The following ZFYVE28 variants were observed in gnomAD, a reference collection of about 807,000 sequenced individuals.
ZFYVE28 encodes lateral signaling target protein 2 homolog.
A neutral mutation model predicts 82.1 loss-of-function variants in ZFYVE28; 40 were observed. The observed-to-expected ratio is 0.49, with a 90% CI of 0.38 to 0.63. The LOEUF (loss-of-function observed/expected upper bound fraction) is 0.63, where lower values mean the gene tolerates loss of function less well. Among genes scored for constraint, ZFYVE28 ranks in the 30% least tolerant of loss-of-function variants. The pLI, the probability that ZFYVE28 is intolerant of heterozygous loss-of-function variation, is 0.00. For synonymous variants in ZFYVE28, 612 were observed against 546.1 expected (o/e 1.12, Z -1.68); for missense variants, 1,321 against 1,242.1 (o/e 1.06, Z -0.96).
intron 7 of ZFYVE28, among the ~76,000 whole-genome samples, chr4:2,308,675 A>AGAG (rs1717007817): frequency 1.2e-4 from 11 of 93,146 alleles, no homozygotes; most frequent in African/African-American, 4.6e-4. Flanking sequence ...GAAAGAAAGA[A>AGAG]AGAGAAAGAA....
In ZFYVE28 at chr4:2,341,684, A is replaced by G; in HGVS notation, c.181-69T>C. 1 of 1,569,758 alleles carries G rather than the reference A, an allele frequency of 6.4e-7. No homozygotes were observed. Among genetic ancestry groups the G allele is most frequent in the Non-Finnish European group, 8.7e-7 (1 of 1,149,972 alleles). On this transcript the variant is annotated intron_variant, in intron 2 of 12. Coordinates refer to ENST00000290974, the MANE Select transcript of ZFYVE28 (RefSeq NM_020972.3). The surrounding 1 kb of genome is among the most constrained non-coding windows in gnomAD (Gnocchi z 4.5). ...GCTGGCGGCCGCCATGTACTGCTGG[A>G]AAACACGCACGGTGCATGTGACTGT...
In ZFYVE28 at chr4:2,397,471, CAA is replaced by C. The variant is rs35358830; in HGVS notation, c.39+20812_39+20813del. On this transcript the variant is annotated intron_variant, in intron 1 of 12. Transcript: ENST00000290974. ...CCAGCCTGGGGGCCAGACTCGGTCT[CAA>C]AAAAAAAAAAAAAAAAAAAATTTAT... is the stretch of plus-strand genomic sequence containing the variant. Among the ~76,000 whole-genome samples, 219 of 98,210 alleles carry C rather than the reference CAA, an allele frequency of 2.2e-3. 1 individual carries two copies. Among genetic ancestry groups the C allele is most frequent in the African/African-American group, 8.1e-3 (192 of 23,668 alleles). 64.4% of individuals were successfully genotyped at this position (98,210 alleles called of 152,430 possible). A position where few individuals can be genotyped will look rare whatever the true frequency, so the allele number is the denominator to read the frequency against.
chr4:2,355,202 ATATATATATATATATATATAT>A (rs1725062387), intron 1 of ZFYVE28, among the ~76,000 whole-genome samples: 1 of 464 alleles, frequency 2.2e-3, no homozygotes, highest in Non-Finnish European at 7.5e-3. Context: ...CCTTGAAAAT[ATATATATATATATATATATAT>A]ATATATATAT....
intron 1 of ZFYVE28, among the ~76,000 whole-genome samples, chr4:2,357,317 C>T (rs1725475689): frequency 6.6e-6 from 1 of 152,192 alleles, no homozygotes; most frequent in South Asian, 2.1e-4. Flanking sequence ...CCTGCCAATG[C>T]CCCTCCTCGC....
chr4:2,397,340 T>C (rs1302984611), intron 1 of ZFYVE28, among the ~76,000 whole-genome samples: 2 of 151,884 alleles, frequency 1.3e-5, no homozygotes, highest in Non-Finnish European at 2.9e-5. Context: ...TAGCCTTACG[T>C]GGCGGCACGT....
At chr4:2,303,337 C>G (rs1005799458) in intron 8 of ZFYVE28, among the ~76,000 whole-genome samples, 3 of 152,200 alleles carry the variant, frequency 2.0e-5, no homozygotes, top group Non-Finnish European at 4.4e-5. Flanking sequence ...CTGGGCCTGC[C>G]TGCCATCCTT....
intron 7 of ZFYVE28, among the ~76,000 whole-genome samples, chr4:2,318,463 C>A (rs925164402): frequency 1.3e-5 from 2 of 152,190 alleles, no homozygotes; most frequent in Non-Finnish European, 2.9e-5. Flanking sequence ...GAGGCTGAGG[C>A]AGGAGAATCT....
At chr4:2,302,222 C>G (rs1189421316) in intron 8 of ZFYVE28, among the ~76,000 whole-genome samples, 1 of 152,256 alleles carries the variant, frequency 6.6e-6, no homozygotes, top group Non-Finnish European at 1.5e-5. Flanking sequence ...TACTATAAAA[C>G]ATTCTTCAAC....
At chr4:2,303,934 G>A (rs542267347) in intron 8 of ZFYVE28, among the ~76,000 whole-genome samples, 108 of 152,222 alleles carry the variant, frequency 7.1e-4, no homozygotes, top group Non-Finnish European at 1.3e-3. Context: ...CCACTGCCCC[G>A]CACAGGCACG....
intron 3 of ZFYVE28, among the ~76,000 whole-genome samples, chr4:2,340,702 CTG>C (rs1214962115): frequency 6.6e-6 from 1 of 152,200 alleles, no homozygotes; most frequent in Non-Finnish European, 1.5e-5. Flanking sequence ...GAGGTGGAAA[CTG>C]AGGCTGGGGA....
At chr4:2,414,627 G>T (rs375720135) in intron 1 of ZFYVE28, among the ~76,000 whole-genome samples, 3 of 152,210 alleles carry the variant, frequency 2.0e-5, no homozygotes, top group East Asian at 3.8e-4. Context: ...ATAACCCACT[G>T]AGGGTCAATT....
At chr4:2,384,620 C>T (rs1208387761) in intron 1 of ZFYVE28, among the ~76,000 whole-genome samples, 2 of 152,190 alleles carry the variant, frequency 1.3e-5, no homozygotes, top group South Asian at 2.1e-4. Flanking sequence ...CACAGAGGGC[C>T]GACCCCTCAG....
intron 1 of ZFYVE28, among the ~76,000 whole-genome samples, chr4:2,402,517 G>A (rs2108675285): frequency 6.6e-6 from 1 of 152,318 alleles, no homozygotes; most frequent in East Asian, 1.9e-4. Context: ...AGCCAGGACT[G>A]CATGTGAGGA....
At chr4:2,343,482 T>G (rs956621753) in intron 2 of ZFYVE28, 4 of 152,166 alleles carry the variant, frequency 2.6e-5, no homozygotes, top group African/African-American at 9.7e-5. Flanking sequence ...GCCTTTATAA[T>G]ACAAAAAATA....
intron 1 of ZFYVE28, among the ~76,000 whole-genome samples, chr4:2,385,875 T>A (rs1286990655): frequency 6.6e-6 from 1 of 152,196 alleles, no homozygotes; most frequent in Non-Finnish European, 1.5e-5. Flanking sequence ...CTCCGGGAAG[T>A]TAAAATCACA....
In ZFYVE28 at chr4:2,350,325, G is replaced by A. The variant is rs542599634; in HGVS notation, c.180+3608C>T. Among the ~76,000 whole-genome samples, 422 of 152,122 alleles carry A rather than the reference G, an allele frequency of 2.8e-3. 4 individuals are homozygous for A. The highest frequency in any genetic ancestry group is 9.7e-3 in the African/African-American group (403 of 41,518). On this transcript the variant is annotated intron_variant, in intron 2 of 12. Coordinates refer to ENST00000290974, the MANE Select transcript of ZFYVE28 (RefSeq NM_020972.3). Reference sequence around the variant, plus strand: ...TAAAAATACAAAAAATTAGCCGGGCGAGGTGGCGGGCGCCTGTAGTCCCAG... The same window carrying A: ...TAAAAATACAAAAAATTAGCCGGGCAAGGTGGCGGGCGCCTGTAGTCCCAG...
At position 2,372,319 on chromosome 4, in the gene ZFYVE28, C is replaced by T. The variant is rs1727649961; in HGVS notation, c.40-18246G>A. On this transcript the variant is annotated intron_variant, in intron 1 of 12. Coordinates refer to ENST00000290974, the MANE Select transcript of ZFYVE28 (RefSeq NM_020972.3). This position sits in a 1 kb window ranked among gnomAD's most constrained non-coding sequence, Gnocchi z 5.2. Reference sequence around the variant, plus strand: ...CACCACCCTCACAGGAACACAGAGGCGTGTCTTCACAGCCCTACGCTGCCT... The same window carrying T: ...CACCACCCTCACAGGAACACAGAGGTGTGTCTTCACAGCCCTACGCTGCCT... Among the ~76,000 whole-genome samples, 1 of 152,052 alleles carries T rather than the reference C, an allele frequency of 6.6e-6. No individual in the cohort carries two copies. Among genetic ancestry groups the T allele is most frequent in the Admixed American group, 6.6e-5 (1 of 15,262 alleles).
At chr4:2,340,212 G>C (rs371506298) in intron 3 of ZFYVE28, among the ~76,000 whole-genome samples, 9 of 152,276 alleles carry the variant, frequency 5.9e-5, no homozygotes, top group African/African-American at 2.2e-4. Flanking sequence ...ACCTTCCCCG[G>C]AACGCAGACT....
At position 2,274,892 on chromosome 4, in the gene ZFYVE28, C is replaced by T. The variant is rs1429164183; in HGVS notation, c.2052-676G>A. On this transcript the variant is annotated intron_variant, in intron 8 of 12. Coordinates refer to ENST00000290974, the MANE Select transcript of ZFYVE28 (RefSeq NM_020972.3). ...GCTGGGAGAGGCGAGAGGAGCCTGC[C>T]CTGGAGCCTGCAGACGGAGTGAGGT... Among the ~76,000 whole-genome samples the T allele has an allele frequency of 5.2e-5, 7 of 135,394 alleles. 1 individual carries two copies. Among genetic ancestry groups the T allele is most frequent in the African/African-American group, 7.5e-5 (2 of 26,752 alleles). The allele number at this position is 135,394 out of a possible 152,430, so 88.8% of individuals were successfully genotyped here.
Sources: gnomAD v4.1 joint callset for allele counts (sites outside exome capture counted in the v4.1 genomes callset) on GRCh38, gnomAD v4.1.1 for gene constraint, Gnocchi (gnomAD v3.1) non-coding constraint, MANE v1.5 for transcripts, NCBI Gene and HGNC (gene_info 2026-07-23, HGNC 2026-07-21) for gene names.